The following YY1 variants were observed in gnomAD, a reference collection of about 807,000 sequenced individuals.
The protein encoded by YY1 is transcriptional repressor protein YY1.
YY1 carries 2 observed loss-of-function variants against 35.6 expected under a neutral mutation model. That is an observed-to-expected ratio of 0.06 (90% confidence interval 0.02 to 0.18). The LOEUF (loss-of-function observed/expected upper bound fraction) is 0.18. Among genes scored for constraint, YY1 ranks in the 10% least tolerant of loss-of-function variants. YY1 has a pLI of 1.00. For missense variants in YY1, 322 were observed against 573.4 expected, an observed-to-expected ratio of 0.56 and a Z score of 4.48; for synonymous variants, 268 against 238.9, an observed-to-expected ratio of 1.12 and a Z score of -1.12.
intron 1 of YY1, among the ~76,000 whole-genome samples, chr14:100,261,676 G>A (rs1473130657): frequency 1.3e-5 from 2 of 152,160 alleles, no homozygotes; most frequent in African/African-American, 2.4e-5. Flanking sequence ...ACACCTTGAG[G>A]TTAGGGTAGA....
Position 100,277,171 on chromosome 14 carries a change from C to T in YY1, c.1063-247C>T. 5.2e-6 allele frequency: 3 copies of T among 579,458 alleles called. No homozygotes were observed. The South Asian group carries it at 6.0e-5, about 12-fold the overall frequency. 35.9% of individuals were successfully genotyped at this position (579,458 alleles called of 1,614,324 possible). A position where few individuals can be genotyped will look rare whatever the true frequency, so the allele number is the denominator to read the frequency against. On this transcript the variant is annotated intron_variant, in intron 4 of 4. Transcript: ENST00000262238. The surrounding 1 kb of genome is among the most constrained non-coding windows in gnomAD (Gnocchi z 5.6). ...GTTTACAGCAGCACTAGGACTCTAG[C>T]CTGCATTTAGGAAGACTTGCCATTT...
intron 1 of YY1, among the ~76,000 whole-genome samples, chr14:100,249,100 A>ATTTTTTTTTTTTTTTTTT (rs60088505): frequency 4.3e-5 from 2 of 46,834 alleles, no homozygotes; most frequent in Non-Finnish European, 7.9e-5. Context: ...TTCTCGTGTA[A>ATTTTTTTTTTTTTTTTTT]TTTTTTTTTT....
intron 1 of YY1, among the ~76,000 whole-genome samples, chr14:100,254,300 A>C (rs1451794969): frequency 2.0e-5 from 3 of 152,316 alleles, no homozygotes; most frequent in Non-Finnish European, 4.4e-5. Context: ...AATGATAGCA[A>C]ATATTGACAT....
rs960052913 is a variant in YY1, at chr14:100,276,884, C to A, written c.1062+236C>A. The stretch of plus-strand genomic sequence containing the variant: ...AATGTATTGGTGTTGATGGAGTACA[C>A]TTTATGGCAGGAGGAGAACAGGATT... On this transcript the variant is annotated intron_variant, in intron 4 of 4. Transcript: ENST00000262238. The surrounding 1 kb of genome is among the most constrained non-coding windows in gnomAD (Gnocchi z 4.1). The A allele has an allele frequency of 5.2e-6, 3 of 571,846 alleles. No individual in the cohort carries two copies. Among genetic ancestry groups the A allele is most frequent in the African/African-American group, 3.8e-5 (2 of 53,278 alleles). The allele number at this position is 571,846 out of a possible 1,614,324, so 35.4% of individuals were successfully genotyped here.
chr14:100,277,881 C>T lies in YY1; in HGVS notation c.*281C>T. 2 of 404,286 alleles carry T rather than the reference C, an allele frequency of 4.9e-6. No homozygotes were observed. Among genetic ancestry groups the T allele is most frequent in the Non-Finnish European group, 9.0e-6 (2 of 223,000 alleles). 25.0% of individuals were successfully genotyped at this position (404,286 alleles called of 1,614,324 possible). A position where few individuals can be genotyped will look rare whatever the true frequency, so the allele number is the denominator to read the frequency against. On this transcript the variant is annotated 3_prime_UTR_variant, in exon 5 of 5. Transcript: ENST00000262238. The surrounding 1 kb of genome is among the most constrained non-coding windows in gnomAD (Gnocchi z 5.6). ...ACAGGAGGACAATTCATGAACTTCG[C>T]ATCAAAAGACAATTCTTTATACAAC...
intron 1 of YY1, among the ~76,000 whole-genome samples, chr14:100,258,410 AATAG>A (rs1199829919): frequency 6.6e-6 from 1 of 152,218 alleles, no homozygotes; most frequent in African/African-American, 2.4e-5. Context: ...CCCACCTAGG[AATAG>A]ATAGTCTTCA....
rs559750843 is a variant in YY1 at position 100,248,101 on chromosome 14, C to T, written c.679+8178C>T. 9.8e-5 allele frequency among the ~76,000 whole-genome samples: 14 copies of T among 143,564 alleles called. No homozygotes were observed. The South Asian group carries it at 2.6e-3, about 26-fold the overall frequency. The allele number at this position is 143,564 out of a possible 152,430, so 94.2% of individuals were successfully genotyped here. On this transcript the variant is annotated intron_variant, in intron 1 of 4. Transcript: ENST00000262238. ...CTGGGATTACAGGTGTGCACCACCA[C>T]GCCCGGCTAATTTTTTTTTCTTTTT...
intron 2 of YY1, among the ~76,000 whole-genome samples, chr14:100,272,244 C>T (rs543454400): frequency 2.7e-5 from 4 of 149,684 alleles, no homozygotes; most frequent in Admixed American, 6.7e-5. Context: ...TGCAGTGAGC[C>T]GAGATAGCGC....
intron 1 of YY1, among the ~76,000 whole-genome samples, chr14:100,258,998 T>C (rs1002827933): frequency 6.6e-6 from 1 of 152,146 alleles, no homozygotes; most frequent in Non-Finnish European, 1.5e-5. Context: ...GGTTGTAGAT[T>C]TCGTTTTGGT....
chr14:100,248,697 T>A (rs1025703559), intron 1 of YY1, among the ~76,000 whole-genome samples: 1 of 149,572 alleles, frequency 6.7e-6, no homozygotes, highest in Non-Finnish European at 1.5e-5. Context: ...TTTTTTTTTT[T>A]TTTTTATTGA....
At chr14:100,263,320 G>A (rs1254361116) in intron 2 of YY1, among the ~76,000 whole-genome samples, 1 of 152,226 alleles carries the variant, frequency 6.6e-6, no homozygotes, top group Non-Finnish European at 1.5e-5. Context: ...ATAAATTCGT[G>A]TTTGTCTTGT....
At chr14:100,269,462 C>G (rs1891202502) in intron 2 of YY1, among the ~76,000 whole-genome samples, 1 of 152,128 alleles carries the variant, frequency 6.6e-6, no homozygotes, top group South Asian at 2.1e-4. Flanking sequence ...AAAGGACTCT[C>G]TGGGTTCAAA....
chr14:100,258,289 T>A lies in YY1; in HGVS notation c.680-4015T>A, dbSNP rs371597565. On this transcript the variant is annotated intron_variant, in intron 1 of 4. Transcript: ENST00000262238. The stretch of plus-strand genomic sequence containing the variant: ...GGGTGTCAGTAGGAGCAGGCAGCCC[T>A]GGGAACAGGAATGAAATTAAAGAAT... 2.2e-4 allele frequency among the ~76,000 whole-genome samples: 33 copies of A among 152,274 alleles called. 1 individual carries two copies. In the South Asian group the frequency reaches 6.8e-3, roughly 32 times the overall value.
intron 1 of YY1, among the ~76,000 whole-genome samples, chr14:100,249,748 G>GTTTTTTTTTTTTTTTTTTTTTT (rs57119106): frequency 2.1e-5 from 3 of 141,032 alleles, no homozygotes; most frequent in South Asian, 2.3e-4. Flanking sequence ...GCTACTTACC[G>GTTTTTTTTTTTTTTTTTTTTTT]TTTTTTTTTT....
intron 2 of YY1, among the ~76,000 whole-genome samples, chr14:100,270,867 C>G (rs1891227390): frequency 6.6e-6 from 1 of 152,048 alleles, no homozygotes; most frequent in African/African-American, 2.4e-5. Context: ...GAAACCACAT[C>G]TCTACAAAAA....
At chr14:100,271,034 A>G (rs1891230552) in intron 2 of YY1, among the ~76,000 whole-genome samples, 1 of 152,142 alleles carries the variant, frequency 6.6e-6, no homozygotes, top group Non-Finnish European at 1.5e-5. Flanking sequence ...TCACGAGGTC[A>G]GGAGATCGAG....
In YY1 at chr14:100,239,370, C is replaced by CGAGGAG; in HGVS notation, c.138_143dup (p.Glu46_Glu47dup). ...AGACCATCGAGACCACAGTGGTGGG[C>CGAGGAG]GAGGAGGAGGAGGAGGACGACGACG... On this transcript the variant is annotated inframe_insertion, in exon 1 of 5. Coordinates refer to ENST00000262238, the MANE Select transcript of YY1 (RefSeq NM_003403.5). 1 of 1,590,050 alleles carries CGAGGAG rather than the reference C, an allele frequency of 6.3e-7. No homozygotes were observed. Among genetic ancestry groups the CGAGGAG allele is most frequent in the Non-Finnish European group, 8.6e-7 (1 of 1,168,850 alleles).
chr14:100,267,119 T>TGAAAAA (rs138588191), intron 2 of YY1, among the ~76,000 whole-genome samples: 2 of 151,966 alleles, frequency 1.3e-5, no homozygotes, highest in Non-Finnish European at 2.9e-5. Flanking sequence ...AAGGGTCTTC[T>TGAAAAA]GAAAAAGAAA....
At chr14:100,261,886 T>G (rs140958653) in intron 1 of YY1, among the ~76,000 whole-genome samples, 17 of 152,314 alleles carry the variant, frequency 1.1e-4, no homozygotes, top group African/African-American at 3.4e-4. Context: ...TGGTGGCTCA[T>G]GCCTGTAATA....
Sources: gnomAD v4.1 joint callset for allele counts (sites outside exome capture counted in the v4.1 genomes callset) on GRCh38, gnomAD v4.1.1 for gene constraint, Gnocchi (gnomAD v3.1) non-coding constraint, MANE v1.5 for transcripts, NCBI Gene and HGNC (gene_info 2026-07-23, HGNC 2026-07-21) for gene names.